RAB39A: variants seen among roughly 807,000 people sequenced by gnomAD.
RAB39A encodes the protein ras-related protein Rab-39A.
In RAB39A, 17 loss-of-function variants were observed where a neutral mutation model predicts 20.9. That is an observed-to-expected ratio of 0.81 (90% CI 0.56 to 1.22). The LOEUF (loss-of-function observed/expected upper bound fraction) is 1.22. RAB39A is among the 50% of genes most tolerant of loss of function. The pLI is 0.00. For synonymous variants in RAB39A, 99 were observed against 103.4 expected (o/e 0.96, Z 0.26); for missense variants, 234 against 270.5 (o/e 0.87, Z 0.95).
At chr11:107,941,318 G>T (rs1268013170) in intron 1 of RAB39A, among the ~76,000 whole-genome samples, 1 of 152,008 alleles carries the variant, frequency 6.6e-6, no homozygotes, top group Non-Finnish European at 1.5e-5. Flanking sequence ...CTAGTGTTCT[G>T]CAAAACATAC....
At position 107,928,803 on chromosome 11, in the gene RAB39A, C is replaced by T. The variant is rs374304002; in HGVS notation, c.227+8C>T. 1.4e-5 allele frequency: 21 copies of T among 1,519,454 alleles called. No individual in the cohort carries two copies. In the African/African-American group the frequency reaches 1.9e-4, roughly 14 times the overall value. The allele number at this position is 1,519,454 out of a possible 1,614,324, so 94.1% of individuals were successfully genotyped here. A position where few individuals can be genotyped will look rare whatever the true frequency, so the allele number is the denominator to read the frequency against. On this transcript the variant is annotated splice_region_variant and intron_variant, in intron 1 of 1. Transcript: ENST00000320578. This position sits in a 1 kb window ranked among gnomAD's most constrained non-coding sequence, Gnocchi z 4.9. ...GGGACAGGAGCGGTTCAGGTAGGGACCCCGGGGACCTTGGGCACCGCGCCG... is the reference window on the plus strand; with the variant it reads ...GGGACAGGAGCGGTTCAGGTAGGGATCCCGGGGACCTTGGGCACCGCGCCG...
intron 1 of RAB39A, among the ~76,000 whole-genome samples, chr11:107,959,939 C>T (rs781079800): frequency 1.3e-5 from 2 of 152,160 alleles, no homozygotes; most frequent in African/African-American, 2.4e-5. Context: ...ATATTGGCCG[C>T]GGTGGCTCAC....
chr11:107,957,576 T>C (rs1332407912), intron 1 of RAB39A, among the ~76,000 whole-genome samples: 1 of 152,224 alleles, frequency 6.6e-6, no homozygotes, highest in Non-Finnish European at 1.5e-5. Flanking sequence ...CTTTCTTTTA[T>C]AATTAAAACC....
intron 1 of RAB39A, among the ~76,000 whole-genome samples, chr11:107,940,297 T>G (rs10400244): frequency 0.049 from 7,428 of 152,016 alleles, 295 homozygotes; most frequent in African/African-American, 0.12. Flanking sequence ...ATGAGTCACA[T>G]TCTGTCACCT....
chr11:107,933,957 G>A (rs1049048358), intron 1 of RAB39A, among the ~76,000 whole-genome samples: 7 of 152,126 alleles, frequency 4.6e-5, no homozygotes, highest in Admixed American at 2.0e-4. Flanking sequence ...CACCCAGCCT[G>A]TGATTCTTTT....
Position 107,928,526 on chromosome 11 carries a change from C to T in RAB39A, c.-43C>T. The T allele has an allele frequency of 1.4e-6, 2 of 1,384,540 alleles. No homozygotes were observed. The highest frequency in any genetic ancestry group is 1.9e-6 in the Non-Finnish European group (2 of 1,045,410). 85.8% of individuals were successfully genotyped at this position (1,384,540 alleles called of 1,614,324 possible). ...GGACAGTTCCCGCCGCCGAACTTAGCCCGCGGGTGGGGCGGCCCGGGAGCC... is the reference window on the plus strand; with the variant it reads ...GGACAGTTCCCGCCGCCGAACTTAGTCCGCGGGTGGGGCGGCCCGGGAGCC... On this transcript the variant is annotated 5_prime_UTR_variant, in exon 1 of 2. Coordinates refer to ENST00000320578, the MANE Select transcript of RAB39A (RefSeq NM_017516.3). The surrounding 1 kb of genome is among the most constrained non-coding windows in gnomAD (Gnocchi z 4.9).
At chr11:107,931,961 G>T (rs1221241885) in intron 1 of RAB39A, among the ~76,000 whole-genome samples, 1 of 146,984 alleles carries the variant, frequency 6.8e-6, no homozygotes, top group East Asian at 2.0e-4. Context: ...CCAGGCTCAA[G>T]CAATTCTCCT....
intron 1 of RAB39A, among the ~76,000 whole-genome samples, chr11:107,955,457 G>A (rs75858120): frequency 0.078 from 11,875 of 152,172 alleles, 553 homozygotes; most frequent in African/African-American, 0.14. Flanking sequence ...TGGACCAGCC[G>A]AAGGGACTTC....
At chr11:107,936,620 T>C (rs1181447473) in intron 1 of RAB39A, among the ~76,000 whole-genome samples, 1 of 152,226 alleles carries the variant, frequency 6.6e-6, no homozygotes, top group Non-Finnish European at 1.5e-5. Context: ...TTTGGTTTTG[T>C]TTCTTTTTAA....
intron 1 of RAB39A, among the ~76,000 whole-genome samples, chr11:107,938,325 A>C (rs1393309704): frequency 7.2e-6 from 1 of 138,136 alleles, no homozygotes; most frequent in Non-Finnish European, 1.5e-5. Flanking sequence ...ACGCCACTGC[A>C]CTCCAGTCTG....
chr11:107,953,298 C>G (rs1282886337), intron 1 of RAB39A, among the ~76,000 whole-genome samples: 1 of 152,112 alleles, frequency 6.6e-6, no homozygotes, highest in Non-Finnish European at 1.5e-5. Flanking sequence ...TATGTTGACT[C>G]TATTGGTCAG....
chr11:107,929,221 C>A (rs191822565), intron 1 of RAB39A, among the ~76,000 whole-genome samples: 1 of 152,174 alleles, frequency 6.6e-6, no homozygotes, highest in African/African-American at 2.4e-5. Context: ...CCTAACCCAG[C>A]GGCTCCCACG....
intron 1 of RAB39A, among the ~76,000 whole-genome samples, chr11:107,950,999 T>G (rs750028446): frequency 5.1e-4 from 78 of 152,156 alleles, no homozygotes; most frequent in Non-Finnish European, 1.0e-3. Flanking sequence ...GGGAATTGAT[T>G]CACATATTCA....
At chr11:107,932,714 GGTTTT>G (rs952225289) in intron 1 of RAB39A, among the ~76,000 whole-genome samples, 2 of 152,020 alleles carry the variant, frequency 1.3e-5, no homozygotes, top group Non-Finnish European at 2.9e-5. Flanking sequence ...TATAAATTTT[GGTTTT>G]GTTTTGTTTT....
chr11:107,950,128 C>T (rs940262031), intron 1 of RAB39A, among the ~76,000 whole-genome samples: 1 of 151,086 alleles, frequency 6.6e-6, no homozygotes, highest in African/African-American at 2.4e-5. Flanking sequence ...TGCAGTGAGC[C>T]GAGATCGTGC....
At chr11:107,951,736 C>T (rs113322958) in intron 1 of RAB39A, among the ~76,000 whole-genome samples, 1,615 of 151,172 alleles carry the variant, frequency 0.011, 23 homozygotes, top group African/African-American at 0.037. Context: ...CCTGCCACCT[C>T]GGACTCCCAA....
At chr11:107,946,692 T>A (rs1861322435) in intron 1 of RAB39A, among the ~76,000 whole-genome samples, 1 of 150,796 alleles carries the variant, frequency 6.6e-6, no homozygotes, top group African/African-American at 2.4e-5. Flanking sequence ...GCCAGGATGG[T>A]CTCGATCTCC....
chr11:107,939,807 C>T (rs897582263), intron 1 of RAB39A, among the ~76,000 whole-genome samples: 3 of 152,038 alleles, frequency 2.0e-5, no homozygotes, highest in African/African-American at 7.2e-5. Context: ...TCTCGTCATG[C>T]CACAGCAGTG....
Position 107,950,138 on chromosome 11 carries a change from C to T in RAB39A, c.228-11808C>T, listed in dbSNP as rs149914990. Among the ~76,000 whole-genome samples the T allele has an allele frequency of 1.9e-3, 294 of 151,780 alleles. 14 individuals carry two copies. In the East Asian group the frequency reaches 0.051, roughly 27 times the overall value. On this transcript the variant is annotated intron_variant, in intron 1 of 1. Coordinates refer to ENST00000320578, the MANE Select transcript of RAB39A (RefSeq NM_017516.3). Reference sequence around the variant, plus strand: ...GAACTTGCAGTGAGCCGAGATCGTGCCACTGCACTCCACCCTGGGTGGCAG... The same window carrying T: ...GAACTTGCAGTGAGCCGAGATCGTGTCACTGCACTCCACCCTGGGTGGCAG...
Sources: gnomAD v4.1 joint callset for allele counts (sites outside exome capture counted in the v4.1 genomes callset) on GRCh38, gnomAD v4.1.1 for gene constraint, Gnocchi (gnomAD v3.1) non-coding constraint, MANE v1.5 for transcripts, NCBI Gene and HGNC (gene_info 2026-07-23, HGNC 2026-07-21) for gene names.